CLEC16A: variants seen among roughly 807,000 people sequenced by gnomAD.
CLEC16A encodes the protein C-type lectin domain containing 16A.
CLEC16A carries 51 observed loss-of-function variants against 109.5 expected under a neutral mutation model. That is an observed-to-expected ratio of 0.47 (90% confidence interval 0.37 to 0.59). The LOEUF (loss-of-function observed/expected upper bound fraction) is 0.59. Ranked by LOEUF, CLEC16A falls within the 20% of genes least tolerant of loss-of-function variation. The pLI is 0.00. For missense variants in CLEC16A, 1,339 were observed against 1,394.0 expected (o/e 0.96, Z 0.63); for synonymous variants, 673 against 564.2 (o/e 1.19, Z -2.73).
Position 10,973,178 on chromosome 16 carries a change from A to G in CLEC16A, c.728+117A>G, listed in dbSNP as rs1387948610. The G allele has an allele frequency of 3.4e-6, 4 of 1,176,472 alleles. No homozygotes were observed. In the African/African-American group the frequency reaches 6.3e-5, roughly 18 times the overall value. 72.9% of individuals were successfully genotyped at this position (1,176,472 alleles called of 1,614,324 possible). A position where few individuals can be genotyped will look rare whatever the true frequency, so the allele number is the denominator to read the frequency against. On this transcript the variant is annotated intron_variant, in intron 7 of 23. Coordinates refer to ENST00000409790, the MANE Select transcript of CLEC16A (RefSeq NM_015226.3). ...CACTTCCCTACCTCTGTGTAGGCAG[A>G]GCATGGACTTCCGTACTGTAAAAGG...
chr16:11,057,923 TA>T (rs1456361714), intron 18 of CLEC16A, among the ~76,000 whole-genome samples: 4 of 152,178 alleles, frequency 2.6e-5, no homozygotes, highest in Non-Finnish European at 4.4e-5. Context: ...ATTAAAAGCT[TA>T]GATGAGACAA....
intron 3 of CLEC16A, among the ~76,000 whole-genome samples, chr16:10,963,758 G>A (rs1374203197): frequency 1.3e-5 from 2 of 152,334 alleles, no homozygotes; most frequent in Admixed American, 1.3e-4. Context: ...GAATAGAGAA[G>A]GGGTTTCATC....
chr16:10,944,583 G>A lies in CLEC16A; in HGVS notation c.-135G>A, dbSNP rs2041240122. 4.8e-6 allele frequency: 4 copies of A among 838,350 alleles called. No homozygotes were observed. Among genetic ancestry groups the A allele is most frequent in the South Asian group, 3.3e-5 (2 of 59,966 alleles). The allele number at this position is 838,350 out of a possible 1,614,324, so 51.9% of individuals were successfully genotyped here. On this transcript the variant is annotated 5_prime_UTR_variant, in exon 1 of 24. Coordinates refer to ENST00000409790, the MANE Select transcript of CLEC16A (RefSeq NM_015226.3). ...AATGTCAGTGCTGGGCTGTGGGCCGGGGAGGAAGGCGGCTCGCGGTTCCTC... is the reference window on the plus strand; with the variant it reads ...AATGTCAGTGCTGGGCTGTGGGCCGAGGAGGAAGGCGGCTCGCGGTTCCTC...
chr16:11,020,062 C>T (rs568994340), intron 11 of CLEC16A, 131 bp from the exon 12 acceptor site: 8 of 1,027,742 alleles, frequency 7.8e-6, no homozygotes, highest in African/African-American at 4.8e-5. Flanking sequence ...GTGTTCAGGT[C>T]GCTGCTGTCG....
intron 10 of CLEC16A, among the ~76,000 whole-genome samples, chr16:10,986,012 ATTTTTTTTTTTTTTTTTTT>A (rs59547466): frequency 1.0e-3 from 45 of 43,456 alleles, no homozygotes; most frequent in African/African-American, 4.9e-3. Flanking sequence ...GGCCTGCAGA[ATTTTTTTTTTTTTTTTTTT>A]TTTTTTTTTT....
chr16:11,110,432 C>T (rs985196673), intron 19 of CLEC16A, among the ~76,000 whole-genome samples: 1 of 152,192 alleles, frequency 6.6e-6, no homozygotes, highest in Admixed American at 6.5e-5. Context: ...CACTGCAGAG[C>T]CCGGGGGGCC....
chr16:10,991,326 G>A (rs1240491085), intron 10 of CLEC16A, among the ~76,000 whole-genome samples: 10 of 149,090 alleles, frequency 6.7e-5, no homozygotes, highest in South Asian at 2.1e-4. Context: ...GAGCATTTTG[G>A]TCATAAAGAA....
chr16:11,173,880 G>T (rs1157245958), intron 23 of CLEC16A, among the ~76,000 whole-genome samples: 2 of 152,078 alleles, frequency 1.3e-5, no homozygotes, highest in South Asian at 2.1e-4. Context: ...CACCTTCTCT[G>T]CCCCTAACCC....
In CLEC16A at chr16:11,170,028, A is replaced by C. The variant is rs150846782; in HGVS notation, c.2806+3476A>C. On this transcript the variant is annotated intron_variant, in intron 23 of 23. Transcript: ENST00000409790. ...CCCAGAGGATGCAGCTAGCCAGCAG[A>C]GGAGCCAGGATCTGAAGCCTAGCCT... is the stretch of plus-strand genomic sequence containing the variant. 3.9e-3 allele frequency among the ~76,000 whole-genome samples: 598 copies of C among 152,346 alleles called. 3 individuals carry two copies. Among genetic ancestry groups the C allele is most frequent in the African/African-American group, 0.014 (576 of 41,582 alleles).
At chr16:11,175,034 C>T (rs1341896967) in intron 23 of CLEC16A, among the ~76,000 whole-genome samples, 1 of 152,252 alleles carries the variant, frequency 6.6e-6, no homozygotes, top group Non-Finnish European at 1.5e-5. Flanking sequence ...TGTTGAAATC[C>T]TATTTTCTCT....
At chr16:11,123,236 G>T (rs1365762798) in intron 20 of CLEC16A, among the ~76,000 whole-genome samples, 1 of 152,038 alleles carries the variant, frequency 6.6e-6, no homozygotes, top group Non-Finnish European at 1.5e-5. Context: ...TTTCCCTTTG[G>T]GGACCAGAAG....
chr16:11,035,665 G>C (rs1395897129), intron 13 of CLEC16A, among the ~76,000 whole-genome samples: 1 of 152,228 alleles, frequency 6.6e-6, no homozygotes, highest in Non-Finnish European at 1.5e-5. Flanking sequence ...ATGAAATGAA[G>C]CATTCTACGT....
intron 13 of CLEC16A, among the ~76,000 whole-genome samples, chr16:11,035,006 G>A (rs553087608): frequency 1.3e-5 from 2 of 152,240 alleles, no homozygotes; most frequent in African/African-American, 2.4e-5. Flanking sequence ...GTTACAGGGT[G>A]ACATTGACCT....
intron 3 of CLEC16A, among the ~76,000 whole-genome samples, chr16:10,966,762 A>G (rs1247286650): frequency 1.3e-5 from 2 of 152,190 alleles, no homozygotes; most frequent in African/African-American, 2.4e-5. Flanking sequence ...AGAACTCACT[A>G]TCACGAGAAC....
At chr16:11,091,538 C>T (rs2050304898) in intron 19 of CLEC16A, among the ~76,000 whole-genome samples, 1 of 152,186 alleles carries the variant, frequency 6.6e-6, no homozygotes, top group South Asian at 2.1e-4. Flanking sequence ...GCTGGCACTG[C>T]ACAGGGAAGG....
intron 3 of CLEC16A, 91 bp downstream of exon 3, chr16:10,962,679 C>A: frequency 7.2e-7 from 1 of 1,388,828 alleles, no homozygotes; most frequent in Non-Finnish European, 1.0e-6. Context: ...GCTTACTATT[C>A]GTCGGCTCAG....
rs556267180 is a variant in CLEC16A, at chr16:10,985,966, A to G, written c.1071+2975A>G. 4.8e-5 allele frequency among the ~76,000 whole-genome samples: 7 copies of G among 145,442 alleles called. No homozygotes were observed. The East Asian group carries it at 1.4e-3, about 29-fold the overall frequency. Reference sequence around the variant, plus strand: ...ACTGATCTGCCTGCCTTGGCCTCCCAAAGTGTTGGGATTACAAGTGTGAGA... The same window carrying G: ...ACTGATCTGCCTGCCTTGGCCTCCCGAAGTGTTGGGATTACAAGTGTGAGA... On this transcript the variant is annotated intron_variant, in intron 10 of 23. Coordinates refer to ENST00000409790, the MANE Select transcript of CLEC16A (RefSeq NM_015226.3).
At chr16:11,161,638 C>T (rs1056466400) in intron 22 of CLEC16A, among the ~76,000 whole-genome samples, 2 of 152,198 alleles carry the variant, frequency 1.3e-5, no homozygotes, top group African/African-American at 2.4e-5. Flanking sequence ...ACAATCTAGG[C>T]ATAAAGAGCA....
chr16:10,958,031 A>T, intron 2 of CLEC16A, 121 bp downstream of exon 2: 1 of 954,206 alleles, frequency 1.0e-6, no homozygotes, highest in Non-Finnish European at 1.5e-6. Context: ...TTGCCTAGAT[A>T]TCTATCTCTG....
Sources: gnomAD v4.1 joint callset for allele counts (sites outside exome capture counted in the v4.1 genomes callset) on GRCh38, gnomAD v4.1.1 for gene constraint, MANE v1.5 for transcripts, NCBI Gene and HGNC (gene_info 2026-07-23, HGNC 2026-07-21) for gene names.